The following AJAP1 variants were observed in gnomAD, a reference collection of about 807,000 sequenced individuals.
The protein encoded by AJAP1 is adherens junction-associated protein 1.
A neutral mutation model predicts 35.0 loss-of-function variants in AJAP1; 5 were observed. That is an observed-to-expected ratio of 0.14 (90% CI 0.07 to 0.30). AJAP1 has a LOEUF of 0.30. Ranked by LOEUF, AJAP1 falls within the 10% of genes least tolerant of loss-of-function variation. The pLI is 1.00. For missense variants in AJAP1, 586 were observed against 571.0 expected (o/e 1.03, Z -0.27); for synonymous variants, 284 against 249.3 (o/e 1.14, Z -1.31).
intron 2 of AJAP1, among the ~76,000 whole-genome samples, chr1:4,763,862 C>T (rs1641625344): frequency 6.9e-6 from 1 of 145,786 alleles, no homozygotes; most frequent in Non-Finnish European, 1.5e-5. Flanking sequence ...CCAACCTCCC[C>T]CTCCCTCCCT....
intron 2 of AJAP1, among the ~76,000 whole-genome samples, chr1:4,713,970 G>A (rs1324414883): frequency 6.6e-6 from 1 of 152,220 alleles, no homozygotes; most frequent in Non-Finnish European, 1.5e-5. Context: ...TCACTAGACT[G>A]CGTCCTGGCC....
intron 2 of AJAP1, among the ~76,000 whole-genome samples, chr1:4,741,369 T>G (rs561339198): frequency 3.3e-5 from 5 of 152,288 alleles, no homozygotes; most frequent in African/African-American, 1.2e-4. Flanking sequence ...CTTCCCGGCC[T>G]CTTCCAGCTT....
chr1:4,696,295 C>T (rs755509484), intron 1 of AJAP1, among the ~76,000 whole-genome samples: 4 of 152,192 alleles, frequency 2.6e-5, no homozygotes, highest in South Asian at 2.1e-4. Context: ...GGAAAGGCTG[C>T]GACACATGCC....
rs1642239792 is a variant in AJAP1, at chr1:4,790,996, CCT to C, written c.*8516_*8517del. 1 of 151,960 alleles carries C rather than the reference CCT, an allele frequency of 6.6e-6. No individual in the cohort carries two copies. The highest frequency in any genetic ancestry group is 2.4e-5 in the African/African-American group (1 of 41,362). 9.4% of individuals were successfully genotyped at this position (151,960 alleles called of 1,614,324 possible). A position where few individuals can be genotyped will look rare whatever the true frequency, so the allele number is the denominator to read the frequency against. ...TCTGGCATCCCAATTTGGATCATTT[CCT>C]CTCTTTCTTTCCTGGAGAAACAGGA... On this transcript the variant is annotated 3_prime_UTR_variant, in exon 6 of 6. Transcript: ENST00000378191.
In AJAP1 at chr1:4,656,635, G is replaced by C. The variant is rs1380547551; in HGVS notation, c.29+1181G>C. On this transcript the variant is annotated intron_variant, in intron 1 of 5. Transcript: ENST00000378191. The surrounding 1 kb of genome is among the most constrained non-coding windows in gnomAD (Gnocchi z 5.7). ...TCGGAAGGGGACTGGGACGCCAAGT[G>C]TTTTCTAGCGACCCTTGATTTATGA... Among the ~76,000 whole-genome samples the C allele has an allele frequency of 6.6e-6, 1 of 152,180 alleles. No individual in the cohort carries two copies. Among genetic ancestry groups the C allele is most frequent in the Non-Finnish European group, 1.5e-5 (1 of 68,032 alleles).
At chr1:4,698,593 C>G (rs1464704185) in intron 1 of AJAP1, among the ~76,000 whole-genome samples, 3 of 152,182 alleles carry the variant, frequency 2.0e-5, no homozygotes, top group Non-Finnish European at 2.9e-5. Flanking sequence ...CCCTCTCCCA[C>G]CCTCAGTCAA....
chr1:4,715,255 T>C (rs1358053183), intron 2 of AJAP1, among the ~76,000 whole-genome samples: 1 of 152,216 alleles, frequency 6.6e-6, no homozygotes, highest in Non-Finnish European at 1.5e-5. Flanking sequence ...TGGGAGGCCA[T>C]GAATTGCTGC....
rs1557656243 is a variant in AJAP1, at chr1:4,788,928, A to G, written c.*6443A>G. 1.3e-5 allele frequency: 2 copies of G among 152,110 alleles called. No individual in the cohort carries two copies. Among genetic ancestry groups the G allele is most frequent in the African/African-American group, 4.8e-5 (2 of 41,406 alleles). 9.4% of individuals were successfully genotyped at this position (152,110 alleles called of 1,614,324 possible). ...TAAAGGTGACTGAAGAGAATGGTCA[A>G]CTCGGTGGTGATGGGCCTGTTTTGG... On this transcript the variant is annotated 3_prime_UTR_variant, in exon 6 of 6. Coordinates refer to ENST00000378191, the MANE Select transcript of AJAP1 (RefSeq NM_018836.4).
chr1:4,693,389 G>C lies in AJAP1; in HGVS notation c.30-18511G>C, dbSNP rs575203762. ...GGAGGGCTTCCTGGAGGCAGGGGGC[G>C]GGGGGAGGGATTGGAGGAGGCCTAA... On this transcript the variant is annotated intron_variant, in intron 1 of 5. Coordinates refer to ENST00000378191, the MANE Select transcript of AJAP1 (RefSeq NM_018836.4). The surrounding 1 kb of genome is among the most constrained non-coding windows in gnomAD (Gnocchi z 4.4). Among the ~76,000 whole-genome samples the C allele has an allele frequency of 3.5e-5, 5 of 142,018 alleles. No individual in the cohort carries two copies. The highest frequency in any genetic ancestry group is 2.0e-4 in the Admixed American group (3 of 14,646). 93.2% of individuals were successfully genotyped at this position (142,018 alleles called of 152,430 possible).
chr1:4,681,574 A>C (rs935771249), intron 1 of AJAP1, among the ~76,000 whole-genome samples: 2 of 152,236 alleles, frequency 1.3e-5, no homozygotes, highest in Non-Finnish European at 2.9e-5. Context: ...CCTTGTTCAG[A>C]CAGGTACAGC....
intron 2 of AJAP1, among the ~76,000 whole-genome samples, chr1:4,752,474 G>C (rs532847654): frequency 1.3e-5 from 2 of 152,146 alleles, no homozygotes; most frequent in Admixed American, 6.6e-5. Flanking sequence ...AGCCCCATTC[G>C]CAATCTTACG....
At chr1:4,759,813 C>G (rs1328432681) in intron 2 of AJAP1, among the ~76,000 whole-genome samples, 1 of 152,100 alleles carries the variant, frequency 6.6e-6, no homozygotes, top group South Asian at 2.1e-4. Context: ...TGCGGTGGTG[C>G]TGGTGGCGCT....
At chr1:4,777,324 A>G (rs1308944814) in intron 5 of AJAP1, 1 of 152,184 alleles carries the variant, frequency 6.6e-6, no homozygotes, top group Non-Finnish European at 1.5e-5. Context: ...GTTTGTTACC[A>G]CACCATTGTC....
chr1:4,739,977 C>T (rs949563878), intron 2 of AJAP1, among the ~76,000 whole-genome samples: 4 of 152,146 alleles, frequency 2.6e-5, no homozygotes, highest in Admixed American at 6.5e-5. Flanking sequence ...GTCCAGCTCA[C>T]GACACCTCTC....
rs1366767180 is a variant in AJAP1 at position 4,654,962 on chromosome 1, A to G, written c.-464A>G. The G allele has an allele frequency of 6.7e-6, 1 of 149,350 alleles. No homozygotes were observed. Among genetic ancestry groups the G allele is most frequent in the Non-Finnish European group, 1.5e-5 (1 of 67,018 alleles). The allele number at this position is 149,350 out of a possible 1,614,324, so 9.3% of individuals were successfully genotyped here. On this transcript the variant is annotated 5_prime_UTR_variant, in exon 1 of 6. Transcript: ENST00000378191. This position sits in a 1 kb window ranked among gnomAD's most constrained non-coding sequence, Gnocchi z 5.1. ...CCCAAACCCTAAGCAGCGCCGCCCC[A>G]TCGGCGCGGAGCTCCGGCTGGAGGC...
At chr1:4,691,465 C>A (rs1639737479) in intron 1 of AJAP1, among the ~76,000 whole-genome samples, 1 of 152,228 alleles carries the variant, frequency 6.6e-6, no homozygotes, top group African/African-American at 2.4e-5. Flanking sequence ...CGCCTGCTGG[C>A]CCTTTGGGCT....
At chr1:4,741,849 C>A (rs1198952758) in intron 2 of AJAP1, among the ~76,000 whole-genome samples, 1 of 152,154 alleles carries the variant, frequency 6.6e-6, no homozygotes, top group Non-Finnish European at 1.5e-5. Flanking sequence ...AAAGTACTCA[C>A]GGAATGATGG....
At chr1:4,677,716 A>G (rs1639393113) in intron 1 of AJAP1, among the ~76,000 whole-genome samples, 1 of 149,272 alleles carries the variant, frequency 6.7e-6, no homozygotes. Context: ...ATTCCAGGTA[A>G]TGCTCCGAAT....
chr1:4,659,789 C>G (rs1313346131), intron 1 of AJAP1, among the ~76,000 whole-genome samples: 1 of 152,270 alleles, frequency 6.6e-6, no homozygotes, highest in East Asian at 1.9e-4. Context: ...TGAGGACTAG[C>G]TAAAACAGGG....
Sources: gnomAD v4.1 joint callset for allele counts (sites outside exome capture counted in the v4.1 genomes callset) on GRCh38, gnomAD v4.1.1 for gene constraint, Gnocchi (gnomAD v3.1) non-coding constraint, MANE v1.5 for transcripts, NCBI Gene and HGNC (gene_info 2026-07-23, HGNC 2026-07-21) for gene names.